DLG2: variants seen among roughly 807,000 people sequenced by gnomAD.
DLG2 encodes disks large homolog 2.
DLG2 carries 45 observed loss-of-function variants against 132.5 expected under a neutral mutation model. The observed-to-expected ratio is 0.34, with a 90% CI of 0.27 to 0.44. The LOEUF is 0.44. Ranked by LOEUF, DLG2 falls within the 20% of genes least tolerant of loss-of-function variation. DLG2 has a pLI of 1.00. For synonymous variants in DLG2, 424 were observed against 419.6 expected (o/e 1.01, Z -0.13); for missense variants, 1,045 against 1,196.9 (o/e 0.87, Z 1.87).
rs191463455 is a variant in DLG2 at position 85,013,082 on chromosome 11, A to C, written c.357+98579T>G. The stretch of plus-strand genomic sequence containing the variant: ...AGAGATAGTATTTAATATCAAATTG[A>C]ATTTTCCAGAAATGGTTGCAATACT... On this transcript the variant is annotated intron_variant, in intron 6 of 27. Coordinates refer to ENST00000376104, the MANE Select transcript of DLG2 (RefSeq NM_001142699.3). 5.3e-5 allele frequency among the ~76,000 whole-genome samples: 8 copies of C among 152,286 alleles called. No homozygotes were observed. The East Asian group carries it at 1.2e-3, about 22-fold the overall frequency.
intron 3 of DLG2, among the ~76,000 whole-genome samples, chr11:85,394,507 C>T (rs1021731810): frequency 4.6e-5 from 7 of 152,168 alleles, no homozygotes; most frequent in African/African-American, 1.4e-4. Context: ...TGTCAGGCCC[C>T]GACCCTGCCA....
chr11:85,270,498 A>G (rs931882080), intron 4 of DLG2, among the ~76,000 whole-genome samples: 7 of 152,226 alleles, frequency 4.6e-5, no homozygotes, highest in Non-Finnish European at 1.0e-4. Context: ...TGCTGCTGAA[A>G]AGATACCTGA....
At chr11:85,231,142 A>T (rs1340316878) in intron 4 of DLG2, among the ~76,000 whole-genome samples, 1 of 151,956 alleles carries the variant, frequency 6.6e-6, no homozygotes, top group Non-Finnish European at 1.5e-5. Flanking sequence ...CACCAAAAAA[A>T]ATTTGCCCAT....
chr11:85,281,147 G>A (rs1220345552), intron 4 of DLG2, among the ~76,000 whole-genome samples: 1 of 152,010 alleles, frequency 6.6e-6, no homozygotes, highest in Non-Finnish European at 1.5e-5. Flanking sequence ...CCAGGCACTG[G>A]AGATGAAATT....
At chr11:83,563,937 A>G (rs569305840) in intron 19 of DLG2, among the ~76,000 whole-genome samples, 2 of 152,218 alleles carry the variant, frequency 1.3e-5, no homozygotes, top group South Asian at 4.1e-4. Context: ...TTCTTGAAAT[A>G]CTTCTGTCTG....
At chr11:83,908,506 A>G (rs1292965497) in intron 15 of DLG2, among the ~76,000 whole-genome samples, 1 of 152,126 alleles carries the variant, frequency 6.6e-6, no homozygotes, top group Non-Finnish European at 1.5e-5. Context: ...GCATGTACAT[A>G]CACATACACA....
intron 16 of DLG2, among the ~76,000 whole-genome samples, chr11:83,848,757 T>G (rs1482672297): frequency 6.6e-6 from 1 of 152,232 alleles, no homozygotes; most frequent in Non-Finnish European, 1.5e-5. Context: ...ATACATTCCT[T>G]CTGGCACTAT....
intron 7 of DLG2, among the ~76,000 whole-genome samples, chr11:84,414,529 A>G (rs1252371887): frequency 6.6e-6 from 1 of 152,162 alleles, no homozygotes; most frequent in African/African-American, 2.4e-5. Flanking sequence ...TTTGTTTTGA[A>G]ATGGGTATTA....
chr11:84,651,601 C>T (rs976977015), intron 6 of DLG2, among the ~76,000 whole-genome samples: 4 of 152,242 alleles, frequency 2.6e-5, no homozygotes, highest in Non-Finnish European at 4.4e-5. Context: ...TTGTTGGAAT[C>T]CAAAATCAGG....
chr11:83,596,656 T>C (rs1220702621), intron 19 of DLG2, among the ~76,000 whole-genome samples: 1 of 152,196 alleles, frequency 6.6e-6, no homozygotes, highest in South Asian at 2.1e-4. Flanking sequence ...TTACATGATA[T>C]TCAAGATTCC....
intron 3 of DLG2, among the ~76,000 whole-genome samples, chr11:85,389,101 A>G (rs190132526): frequency 6.6e-6 from 1 of 152,148 alleles, no homozygotes; most frequent in Non-Finnish European, 1.5e-5. Context: ...AGAAATTTTT[A>G]AAAAAGATAC....
In DLG2 at chr11:83,458,680, G is replaced by A. The variant is rs2089370159; in HGVS notation, c.*1138C>T. ...TTAAGAATTGTATGTCAGTAACTAG[G>A]AACAAAGTTATTCAACTATTTGCAT... is the stretch of plus-strand genomic sequence containing the variant. On this transcript the variant is annotated 3_prime_UTR_variant, in exon 28 of 28. Coordinates refer to ENST00000376104, the MANE Select transcript of DLG2 (RefSeq NM_001142699.3). The A allele has an allele frequency of 6.6e-6, 1 of 152,208 alleles. No individual in the cohort carries two copies. Among genetic ancestry groups the A allele is most frequent in the Admixed American group, 6.5e-5 (1 of 15,282 alleles). The allele number at this position is 152,208 out of a possible 1,614,324, so 9.4% of individuals were successfully genotyped here. A position where few individuals can be genotyped will look rare whatever the true frequency, so the allele number is the denominator to read the frequency against.
At chr11:83,685,352 T>C (rs1313559556) in intron 18 of DLG2, among the ~76,000 whole-genome samples, 3 of 152,166 alleles carry the variant, frequency 2.0e-5, no homozygotes, top group Non-Finnish European at 4.4e-5. Context: ...CCCACTACAA[T>C]TGTTCTTATC....
At chr11:85,350,448 A>G (rs1165627002) in intron 3 of DLG2, among the ~76,000 whole-genome samples, 2 of 152,050 alleles carry the variant, frequency 1.3e-5, no homozygotes, top group African/African-American at 2.4e-5. Flanking sequence ...TTTTGTTGCC[A>G]TTGCTTTTGG....
chr11:84,045,094 C>G (rs1186502954), intron 11 of DLG2, among the ~76,000 whole-genome samples: 1 of 151,722 alleles, frequency 6.6e-6, no homozygotes, highest in African/African-American at 2.4e-5. Context: ...ATCTGGAAAA[C>G]AGTTCTTTAG....
At chr11:85,089,128 T>C (rs1009223231) in intron 6 of DLG2, among the ~76,000 whole-genome samples, 9 of 152,198 alleles carry the variant, frequency 5.9e-5, no homozygotes, top group Admixed American at 5.9e-4. Context: ...TTCTAATTTT[T>C]TTTTTCAATT....
intron 9 of DLG2, among the ~76,000 whole-genome samples, chr11:84,150,187 A>G (rs2095249228): frequency 6.6e-6 from 1 of 152,200 alleles, no homozygotes; most frequent in South Asian, 2.1e-4. Flanking sequence ...CTTCCAATCC[A>G]TGAGGATGGA....
intron 6 of DLG2, among the ~76,000 whole-genome samples, chr11:84,739,151 C>A (rs1203279921): frequency 1.3e-5 from 2 of 151,948 alleles, no homozygotes; most frequent in Admixed American, 6.6e-5. Flanking sequence ...CAAAACAGAT[C>A]AAATTTACAT....
chr11:84,819,545 T>C (rs1291225127), intron 6 of DLG2, among the ~76,000 whole-genome samples: 2 of 151,370 alleles, frequency 1.3e-5, no homozygotes, highest in Non-Finnish European at 2.9e-5. Context: ...TCTTAGACAA[T>C]GGAGATAACC....
Sources: gnomAD v4.1 joint callset for allele counts (sites outside exome capture counted in the v4.1 genomes callset) on GRCh38, gnomAD v4.1.1 for gene constraint, MANE v1.5 for transcripts, NCBI Gene and HGNC (gene_info 2026-07-23, HGNC 2026-07-21) for gene names.